Variants in DCC observed in about 807,000 individuals in gnomAD.
DCC encodes netrin receptor DCC.
A neutral mutation model predicts 172.5 loss-of-function variants in DCC; 58 were observed. The ratio of observed to expected loss-of-function variants is 0.34; its 90% CI spans 0.27 to 0.42. The LOEUF (loss-of-function observed/expected upper bound fraction) is 0.42. DCC is among the 10% of genes least tolerant of loss of function. DCC has a pLI of 1.00. For missense variants in DCC, 1,740 were observed against 1,791.0 expected, an observed-to-expected ratio of 0.97 and a Z score of 0.51; for synonymous variants, 709 against 644.5, an observed-to-expected ratio of 1.10 and a Z score of -1.52.
intron 1 of DCC, among the ~76,000 whole-genome samples, chr18:52,645,724 G>A (rs2035005946): frequency 6.6e-6 from 1 of 152,158 alleles, no homozygotes; most frequent in African/African-American, 2.4e-5. Flanking sequence ...CTACCATGCA[G>A]CCCGTTCAGA....
chr18:52,497,356 C>T (rs559361494), intron 1 of DCC, among the ~76,000 whole-genome samples: 762 of 52,560 alleles, frequency 0.014, 27 homozygotes, highest in Middle Eastern at 0.041. Flanking sequence ...TATATATATA[C>T]ACACATATAC....
At chr18:52,966,742 C>G (rs2040937976) in intron 5 of DCC, among the ~76,000 whole-genome samples, 1 of 152,150 alleles carries the variant, frequency 6.6e-6, no homozygotes, top group Non-Finnish European at 1.5e-5. Flanking sequence ...TCTCCCTTTG[C>G]CCCTTCAGGC....
intron 6 of DCC, among the ~76,000 whole-genome samples, chr18:53,064,879 G>A (rs1352722933): frequency 6.6e-6 from 1 of 152,188 alleles, no homozygotes; most frequent in East Asian, 1.9e-4. Flanking sequence ...TACACTTAAA[G>A]GACATTTTTC....
chr18:52,516,149 G>T (rs746184401), intron 1 of DCC, among the ~76,000 whole-genome samples: 37 of 152,056 alleles, frequency 2.4e-4, no homozygotes, highest in Non-Finnish European at 3.8e-4. Context: ...CTGGTGGCAT[G>T]TAAAATGGTA....
chr18:53,071,320 G>GA (rs1221069974), intron 7 of DCC, among the ~76,000 whole-genome samples: 1 of 152,126 alleles, frequency 6.6e-6, no homozygotes, highest in Admixed American at 6.6e-5. Context: ...AAATGCTAGG[G>GA]AAAAATATTT....
intron 2 of DCC, among the ~76,000 whole-genome samples, chr18:52,893,091 C>T (rs576031288): frequency 7.2e-5 from 11 of 151,946 alleles, no homozygotes; most frequent in East Asian, 1.9e-4. Flanking sequence ...TTATATAATA[C>T]GGAATAAAGG....
intron 2 of DCC, among the ~76,000 whole-genome samples, chr18:52,877,918 T>A (rs2039426657): frequency 6.6e-6 from 1 of 152,128 alleles, no homozygotes; most frequent in South Asian, 2.1e-4. Context: ...TAAAGCTATA[T>A]TAATGATAAT....
At chr18:52,954,724 CAA>C (rs1381748446) in intron 5 of DCC, among the ~76,000 whole-genome samples, 3 of 152,078 alleles carry the variant, frequency 2.0e-5, no homozygotes, top group African/African-American at 7.2e-5. Flanking sequence ...AATTGAATAA[CAA>C]TATAAATGGA....
intron 17 of DCC, among the ~76,000 whole-genome samples, chr18:53,395,422 C>T (rs1001026602): frequency 2.6e-5 from 4 of 152,076 alleles, no homozygotes; most frequent in Non-Finnish European, 4.4e-5. Context: ...TATGATCTTT[C>T]CCTCTTACCT....
At chr18:53,357,635 T>C (rs1375038533) in intron 15 of DCC, among the ~76,000 whole-genome samples, 2 of 152,216 alleles carry the variant, frequency 1.3e-5, no homozygotes, top group Admixed American at 1.3e-4. Context: ...AGAAGAATTA[T>C]GTAGAATGAT....
At chr18:52,946,748 C>T (rs949806828) in intron 5 of DCC, among the ~76,000 whole-genome samples, 1 of 152,024 alleles carries the variant, frequency 6.6e-6, no homozygotes, top group Non-Finnish European at 1.5e-5. Context: ...TAACTTCCAC[C>T]CACCTTGAAA....
intron 1 of DCC, among the ~76,000 whole-genome samples, chr18:52,511,295 A>AAAAG (rs1568205678): frequency 6.6e-6 from 1 of 151,528 alleles, no homozygotes; most frequent in East Asian, 1.9e-4. Flanking sequence ...AAAAAAAAAA[A>AAAAG]AAAGAAAGAA....
chr18:53,213,267 A>C (rs531432604), intron 11 of DCC, among the ~76,000 whole-genome samples: 1 of 152,312 alleles, frequency 6.6e-6, no homozygotes, highest in African/African-American at 2.4e-5. Context: ...TAATTGATCA[A>C]AAAGTTAGTG....
Position 52,511,975 on chromosome 18 carries a change from T to C in DCC, c.91+171097T>C, listed in dbSNP as rs564715244. On this transcript the variant is annotated intron_variant, in intron 1 of 28. Transcript: ENST00000442544. ...AGGGTGCGGCTGTGTTTATATGATG[T>C]GTAAAGCCTGCCTTTCCTGAAACTG... Among the ~76,000 whole-genome samples, 3 of 152,314 alleles carry C rather than the reference T, an allele frequency of 2.0e-5. No individual in the cohort carries two copies. In the South Asian group the frequency reaches 6.2e-4, roughly 32 times the overall value.
chr18:52,393,587 C>G (rs1468982893), intron 1 of DCC, among the ~76,000 whole-genome samples: 1 of 152,054 alleles, frequency 6.6e-6, no homozygotes, highest in Admixed American at 6.6e-5. Flanking sequence ...GAGCTTATTA[C>G]AGATGAAAAT....
At chr18:53,090,706 A>C (rs2042992230) in intron 7 of DCC, among the ~76,000 whole-genome samples, 1 of 80,808 alleles carries the variant, frequency 1.2e-5, no homozygotes, top group Non-Finnish European at 2.4e-5. Context: ...AACAAAAAAA[A>C]AAAAAAAAAA....
At chr18:52,926,474 G>GT (rs1472829075) in intron 5 of DCC, among the ~76,000 whole-genome samples, 2 of 151,726 alleles carry the variant, frequency 1.3e-5, no homozygotes, top group Non-Finnish European at 3.0e-5. Context: ...AAATGGCACA[G>GT]TTTAATTGAG....
intron 1 of DCC, among the ~76,000 whole-genome samples, chr18:52,452,534 C>A (rs1353464375): frequency 6.6e-6 from 1 of 152,146 alleles, no homozygotes; most frequent in Non-Finnish European, 1.5e-5. Context: ...TCAGACTTAG[C>A]AAAACAGGGG....
At chr18:53,493,553 A>C (rs1432404503) in intron 26 of DCC, among the ~76,000 whole-genome samples, 1 of 152,054 alleles carries the variant, frequency 6.6e-6, no homozygotes, top group Non-Finnish European at 1.5e-5. Flanking sequence ...GTTTATTTGC[A>C]CAGAGGTGTT....
Sources: gnomAD v4.1 joint callset for allele counts (sites outside exome capture counted in the v4.1 genomes callset) on GRCh38, gnomAD v4.1.1 for gene constraint, MANE v1.5 for transcripts, NCBI Gene and HGNC (gene_info 2026-07-23, HGNC 2026-07-21) for gene names.